GML: variants seen among roughly 807,000 people sequenced by gnomAD.
GML encodes glycosyl-phosphatidylinositol-anchored molecule-like protein.
A neutral mutation model predicts 8.2 loss-of-function variants in GML; 5 were observed. The ratio of observed to expected loss-of-function variants is 0.61; its 90% CI spans 0.32 to 1.28. The LOEUF (loss-of-function observed/expected upper bound fraction) is 1.28, where lower values mean the gene tolerates loss of function less well. Among genes scored for constraint, GML ranks in the 50% most tolerant of loss-of-function variants. The pLI is 0.06. For missense variants in GML, 191 were observed against 198.3 expected (o/e 0.96, Z 0.22); for synonymous variants, 72 against 69.0 (o/e 1.04, Z -0.22).
chr8:142,837,291 C>T lies in GML; in HGVS notation c.-23+2423C>T, dbSNP rs1341882541. Among the ~76,000 whole-genome samples the T allele has an allele frequency of 6.1e-5, 8 of 131,004 alleles. No individual in the cohort carries two copies. The East Asian group carries it at 2.4e-3, about 39-fold the overall frequency. 85.9% of individuals were successfully genotyped at this position (131,004 alleles called of 152,430 possible). A position where few individuals can be genotyped will look rare whatever the true frequency, so the allele number is the denominator to read the frequency against. ...CTCCAACCTGCAGGACAGAGCGAGA[C>T]TCTGTTTCAAAAAAAGAAACTATGT... On this transcript the variant is annotated intron_variant, in intron 1 of 3. Transcript: ENST00000220940.
At chr8:142,835,904 T>C (rs1452675823) in intron 1 of GML, among the ~76,000 whole-genome samples, 1 of 152,268 alleles carries the variant, frequency 6.6e-6, no homozygotes, top group Admixed American at 6.5e-5. Context: ...TATTGTCATA[T>C]ACTTTATTTC....
chr8:142,839,427 A>G (rs982474463), intron 1 of GML, among the ~76,000 whole-genome samples: 3 of 152,150 alleles, frequency 2.0e-5, no homozygotes, highest in Non-Finnish European at 2.9e-5. Context: ...GATCATCCCT[A>G]TCCCTGGGGT....
rs1258104144 is a variant in GML, at chr8:142,837,475, A to G, written c.-23+2607A>G. Among the ~76,000 whole-genome samples the G allele has an allele frequency of 2.6e-5, 4 of 151,992 alleles. No individual in the cohort carries two copies. The East Asian group carries it at 7.8e-4, about 30-fold the overall frequency. On this transcript the variant is annotated intron_variant, in intron 1 of 3. Transcript: ENST00000220940. ...GTTGCAGCAGGTGGTCTCAGTAGCC[A>G]TCAGATAAAACTGGTTTCAGGTTAC...
chr8:142,846,757 C>G lies in GML; in HGVS notation c.*67C>G, dbSNP rs865957199. 1.7e-6 allele frequency: 2 copies of G among 1,200,732 alleles called. No individual in the cohort carries two copies. Among genetic ancestry groups the G allele is most frequent in the East Asian group, 4.7e-5 (2 of 42,768 alleles). 74.4% of individuals were successfully genotyped at this position (1,200,732 alleles called of 1,614,324 possible). A position where few individuals can be genotyped will look rare whatever the true frequency, so the allele number is the denominator to read the frequency against. ...CAGAGAAATGTTGCTCTCCATTATTCCCTTCTAAGCCAGAGACCCTTATCC... is the reference window on the plus strand; with the variant it reads ...CAGAGAAATGTTGCTCTCCATTATTGCCTTCTAAGCCAGAGACCCTTATCC... On this transcript the variant is annotated 3_prime_UTR_variant, in exon 4 of 4. Transcript: ENST00000220940.
At chr8:142,836,594 T>C (rs767077512) in intron 1 of GML, among the ~76,000 whole-genome samples, 21 of 152,382 alleles carry the variant, frequency 1.4e-4, no homozygotes, top group South Asian at 1.0e-3. Flanking sequence ...TCCTAATTCT[T>C]ACATATCCTG....
chr8:142,838,923 C>T (rs930961939), intron 1 of GML, among the ~76,000 whole-genome samples: 1 of 152,146 alleles, frequency 6.6e-6, no homozygotes, highest in Non-Finnish European at 1.5e-5. Flanking sequence ...TTTTCCCATC[C>T]ACCCCAAGAT....
At chr8:142,842,813 G>A (rs949937852) in intron 3 of GML, among the ~76,000 whole-genome samples, 2 of 152,218 alleles carry the variant, frequency 1.3e-5, no homozygotes, top group African/African-American at 4.8e-5. Context: ...GGATAACGGT[G>A]CATGGCCTTT....
intron 1 of GML, among the ~76,000 whole-genome samples, chr8:142,836,182 C>T (rs1816339951): frequency 1.3e-5 from 2 of 152,192 alleles, no homozygotes; most frequent in African/African-American, 4.8e-5. Context: ...CAGAAGTACA[C>T]GTGGCCCAGA....
intron 3 of GML, among the ~76,000 whole-genome samples, chr8:142,842,553 C>T (rs1446287988): frequency 1.3e-5 from 2 of 152,174 alleles, no homozygotes; most frequent in East Asian, 1.9e-4. Flanking sequence ...GTGAGATTCG[C>T]AAGGTATGGG....
chr8:142,840,321 T>A, intron 1 of GML, 95 bp from the exon 2 acceptor site: 1 of 748,944 alleles, frequency 1.3e-6, no homozygotes, highest in Non-Finnish European at 2.4e-6. Context: ...GTGGGCAGAG[T>A]CAGGGAGACT....
At chr8:142,838,964 G>A (rs1816384681) in intron 1 of GML, among the ~76,000 whole-genome samples, 1 of 152,164 alleles carries the variant, frequency 6.6e-6, no homozygotes, top group Non-Finnish European at 1.5e-5. Flanking sequence ...ACACTTGATG[G>A]GAGTTTTCCT....
intron 1 of GML, among the ~76,000 whole-genome samples, chr8:142,835,871 C>A (rs1816332638): frequency 6.6e-6 from 1 of 152,186 alleles, no homozygotes; most frequent in Non-Finnish European, 1.5e-5. Flanking sequence ...CCTTTCAGTT[C>A]TACAGCCTCC....
In GML at chr8:142,834,817, C is replaced by T. The variant is rs970290868; in HGVS notation, c.-74C>T. On this transcript the variant is annotated 5_prime_UTR_variant, in exon 1 of 4. Coordinates refer to ENST00000220940, the MANE Select transcript of GML (RefSeq NM_002066.3). The stretch of plus-strand genomic sequence containing the variant: ...GGTGGGGAGGTCGGCGCGGGAGGCT[C>T]AGATGGCTGGAGGCGGCGGGCACGC... 2 of 149,828 alleles carry T rather than the reference C, an allele frequency of 1.3e-5. No individual in the cohort carries two copies. Among genetic ancestry groups the T allele is most frequent in the East Asian group, 2.0e-4 (1 of 4,930 alleles). The allele number at this position is 149,828 out of a possible 1,614,324, so 9.3% of individuals were successfully genotyped here.
chr8:142,835,420 C>T (rs1455590270), intron 1 of GML, among the ~76,000 whole-genome samples: 2 of 152,212 alleles, frequency 1.3e-5, no homozygotes, highest in Non-Finnish European at 1.5e-5. Flanking sequence ...GCGCGGGTCT[C>T]GGGCCGCAGC....
intron 3 of GML, among the ~76,000 whole-genome samples, chr8:142,844,270 A>G (rs934709867): frequency 4.6e-5 from 7 of 152,256 alleles, no homozygotes; most frequent in Non-Finnish European, 8.8e-5. Context: ...TTAGATATTT[A>G]TACACAATAT....
Position 142,846,424 on chromosome 8 carries a change from A to C in GML, c.211A>C (p.Lys71Gln), listed in dbSNP as rs1413344861. The change falls in exon 4 of 4, where the codon AAG becomes CAG. Residue 71 changes from lysine to glutamine, a missense_variant. Physicochemically the swap from Lys to Gln is moderately conservative, Grantham distance 53. Coordinates refer to ENST00000220940, the MANE Select transcript of GML (RefSeq NM_002066.3). ...RINSRELLVY[K>Q]NCTNNCTFVY... ...AAATTCTCGTGAACTACTTGTTTAT[A>C]AGAACTGTACAAACAACTGCACATT... 8 of 1,608,398 alleles carry C rather than the reference A, an allele frequency of 5.0e-6. No individual in the cohort carries two copies. The highest frequency in any genetic ancestry group is 5.9e-6 in the Non-Finnish European group (7 of 1,176,828).
chr8:142,842,254 C>T (rs536353210), intron 3 of GML, among the ~76,000 whole-genome samples: 6 of 152,292 alleles, frequency 3.9e-5, no homozygotes, highest in Admixed American at 2.6e-4. Context: ...CCCAGCCACG[C>T]GGAACTGTGA....
chr8:142,840,864 G>A (rs559320300), intron 2 of GML, among the ~76,000 whole-genome samples: 5 of 152,140 alleles, frequency 3.3e-5, no homozygotes, highest in East Asian at 3.9e-4. Context: ...TAGCAATCCC[G>A]TATGTGACCA....
chr8:142,835,372 G>A (rs1816324329), intron 1 of GML, among the ~76,000 whole-genome samples: 1 of 152,144 alleles, frequency 6.6e-6, no homozygotes. Context: ...GGGGTGTCCC[G>A]GGGCCGCCCA....
Sources: gnomAD v4.1 joint callset for allele counts (sites outside exome capture counted in the v4.1 genomes callset) on GRCh38, gnomAD v4.1.1 for gene constraint, MANE v1.5 for transcripts, NCBI Gene and HGNC (gene_info 2026-07-23, HGNC 2026-07-21) for gene names.